The following AGBL1 variants were observed in gnomAD, a reference collection of about 807,000 sequenced individuals.
The protein encoded by AGBL1 is cytosolic carboxypeptidase 4.
In AGBL1, 130 loss-of-function variants were observed where a neutral mutation model predicts 118.9. That is an observed-to-expected ratio of 1.09 (90% CI 0.95 to 1.26). AGBL1 has a LOEUF of 1.26. AGBL1 is among the 50% of genes most tolerant of loss of function. The pLI is 0.00. For missense variants in AGBL1, 1,584 were observed against 1,298.1 expected (o/e 1.22, Z -3.38); for synonymous variants, 555 against 478.9 (o/e 1.16, Z -2.08).
chr15:86,931,282 C>T (rs1168089273), intron 23 of AGBL1, among the ~76,000 whole-genome samples: 1 of 152,222 alleles, frequency 6.6e-6, no homozygotes, highest in Admixed American at 6.5e-5. Flanking sequence ...ACAATTTTGC[C>T]TGTAACTTCC....
chr15:86,875,107 A>G (rs1311898383), intron 22 of AGBL1, among the ~76,000 whole-genome samples: 2 of 152,210 alleles, frequency 1.3e-5, no homozygotes, highest in Non-Finnish European at 2.9e-5. Flanking sequence ...TTTTTCTTAG[A>G]TGCTTTGTTC....
chr15:86,736,302 C>T (rs897638456), intron 22 of AGBL1, among the ~76,000 whole-genome samples: 3 of 151,986 alleles, frequency 2.0e-5, no homozygotes, highest in African/African-American at 7.3e-5. Context: ...ATGGCTTGAA[C>T]CCGGGAGGCG....
chr15:86,891,675 A>C (rs750751083), intron 22 of AGBL1, among the ~76,000 whole-genome samples: 29 of 152,028 alleles, frequency 1.9e-4, no homozygotes, highest in Non-Finnish European at 3.5e-4. Flanking sequence ...TAAAGTGAAA[A>C]ACTGGGTTGC....
At chr15:86,400,947 T>C (rs1426863660) in intron 18 of AGBL1, among the ~76,000 whole-genome samples, 2 of 152,166 alleles carry the variant, frequency 1.3e-5, no homozygotes, top group Admixed American at 6.6e-5. Context: ...GTGACTTTCA[T>C]ATAATGACTT....
intron 22 of AGBL1, among the ~76,000 whole-genome samples, chr15:86,847,670 G>T (rs931712804): frequency 4.6e-5 from 7 of 152,150 alleles, no homozygotes; most frequent in African/African-American, 1.7e-4. Context: ...GTATGTGTTG[G>T]GGAGCACAGT....
chr15:86,286,687 A>G (rs2079453677), intron 16 of AGBL1, among the ~76,000 whole-genome samples: 1 of 130,982 alleles, frequency 7.6e-6, no homozygotes, highest in Non-Finnish European at 1.7e-5. Context: ...GTATGTATGT[A>G]TATATATATG....
chr15:86,219,047 C>G (rs1323794073), intron 5 of AGBL1, among the ~76,000 whole-genome samples: 1 of 152,222 alleles, frequency 6.6e-6, no homozygotes, highest in African/African-American at 2.4e-5. Context: ...GGTGGCATTG[C>G]TATATCTAGG....
intron 16 of AGBL1, among the ~76,000 whole-genome samples, chr15:86,294,334 G>T (rs1397487705): frequency 6.6e-6 from 1 of 150,376 alleles, no homozygotes; most frequent in African/African-American, 2.5e-5. Flanking sequence ...GGGAGGTGGA[G>T]GTTGCAATGA....
chr15:86,436,646 A>G (rs1410496307), intron 18 of AGBL1, among the ~76,000 whole-genome samples: 2 of 152,212 alleles, frequency 1.3e-5, no homozygotes, highest in African/African-American at 4.8e-5. Context: ...CAATTACACT[A>G]AGTTAATGGG....
chr15:86,254,442 T>C (rs2078863539), intron 7 of AGBL1, among the ~76,000 whole-genome samples: 1 of 152,242 alleles, frequency 6.6e-6, no homozygotes, highest in East Asian at 1.9e-4. Context: ...ACCTGAGCAG[T>C]TTGCTCTTAC....
chr15:86,862,695 G>C (rs761435795), intron 22 of AGBL1, among the ~76,000 whole-genome samples: 56 of 152,176 alleles, frequency 3.7e-4, no homozygotes, highest in Admixed American at 2.1e-3. Context: ...ACTCCAGCCT[G>C]GTTGACAGAA....
At chr15:86,849,739 G>A (rs574944083) in intron 22 of AGBL1, among the ~76,000 whole-genome samples, 5 of 152,140 alleles carry the variant, frequency 3.3e-5, no homozygotes, top group South Asian at 4.1e-4. Context: ...TCTGTGCTCC[G>A]CAGGGGCGAT....
chr15:86,266,177 T>C (rs1490188141), intron 11 of AGBL1, among the ~76,000 whole-genome samples, 197 bp from the exon 12 acceptor site: 1 of 152,216 alleles, frequency 6.6e-6, no homozygotes, highest in Non-Finnish European at 1.5e-5. Flanking sequence ...TATGCAGTTT[T>C]ATTTTTTGAT....
chr15:86,852,449 T>C (rs979387414), intron 22 of AGBL1, among the ~76,000 whole-genome samples: 1 of 152,170 alleles, frequency 6.6e-6, no homozygotes, highest in South Asian at 2.1e-4. Flanking sequence ...GTCCATTTCC[T>C]GAGAGTCTCC....
chr15:86,628,909 T>C (rs1452164184), intron 21 of AGBL1, among the ~76,000 whole-genome samples: 1 of 152,204 alleles, frequency 6.6e-6, no homozygotes, highest in Non-Finnish European at 1.5e-5. Flanking sequence ...AACAAGATGT[T>C]TGATATACAT....
chr15:86,368,427 A>T (rs1297629943), intron 17 of AGBL1, among the ~76,000 whole-genome samples: 1 of 152,232 alleles, frequency 6.6e-6, no homozygotes, highest in Non-Finnish European at 1.5e-5. Flanking sequence ...GACATCAAAT[A>T]TATAAAAATT....
chr15:86,384,785 A>T (rs756630658), intron 17 of AGBL1, among the ~76,000 whole-genome samples: 7 of 152,202 alleles, frequency 4.6e-5, no homozygotes, highest in Admixed American at 1.3e-4. Flanking sequence ...GTTTAGAGAC[A>T]GAGGGTACAA....
chr15:86,189,453 C>T (rs574597368), intron 5 of AGBL1, among the ~76,000 whole-genome samples: 5 of 152,140 alleles, frequency 3.3e-5, no homozygotes, highest in Non-Finnish European at 5.9e-5. Flanking sequence ...ATGTTGAAAT[C>T]GGATCCCCAG....
At chr15:87,020,549 A>G (rs1185762304) in intron 24 of AGBL1, among the ~76,000 whole-genome samples, 1 of 151,796 alleles carries the variant, frequency 6.6e-6, no homozygotes, top group Non-Finnish European at 1.5e-5. Flanking sequence ...ATAAGAAGAG[A>G]GGAAATCAAA....
Sources: gnomAD v4.1 joint callset for allele counts (sites outside exome capture counted in the v4.1 genomes callset) on GRCh38, gnomAD v4.1.1 for gene constraint, MANE v1.5 for transcripts, NCBI Gene and HGNC (gene_info 2026-07-23, HGNC 2026-07-21) for gene names.